Variants in SUCLG2 observed in about 807,000 individuals in gnomAD.
SUCLG2 encodes the protein succinate--CoA ligase [GDP-forming] subunit beta, mitochondrial.
Under a neutral mutation model 47.9 loss-of-function variants are expected in SUCLG2, and 42 were observed. That is an observed-to-expected ratio of 0.88 (90% CI 0.69 to 1.14). The LOEUF is 1.14. Among genes scored for constraint, SUCLG2 ranks in the 50% most tolerant of loss-of-function variants. The pLI is 0.00. For synonymous variants in SUCLG2, 195 were observed against 197.3 expected (o/e 0.99, Z 0.10); for missense variants, 571 against 525.9 (o/e 1.09, Z -0.84).
At chr3:67,371,442 T>C (rs151251424), downstream of SUCLG2, among the ~76,000 whole-genome samples, 556 of 152,338 alleles carry the variant, frequency 3.6e-3, 5 homozygotes, top group African/African-American at 0.013. Context: ...CCTTTATCTC[T>C]TCTGCCCCTC....
chr3:67,649,968 C>A (rs1472929530), intron 1 of SUCLG2, among the ~76,000 whole-genome samples: 4 of 152,176 alleles, frequency 2.6e-5, no homozygotes, highest in African/African-American at 9.7e-5. Flanking sequence ...TGGGTCTGTG[C>A]ACTCAATCAC....
chr3:67,622,539 C>A (rs17046748), intron 1 of SUCLG2, among the ~76,000 whole-genome samples: 4,629 of 152,172 alleles, frequency 0.03, 232 homozygotes, highest in African/African-American at 0.11. Flanking sequence ...ACATTGGACC[C>A]ACAGATGACT....
At chr3:67,426,534 A>G (rs1703304733) in intron 9 of SUCLG2, among the ~76,000 whole-genome samples, 1 of 152,226 alleles carries the variant, frequency 6.6e-6, no homozygotes, top group Non-Finnish European at 1.5e-5. Flanking sequence ...TGTAAAGAAC[A>G]TACTTACCAT....
At chr3:67,473,285 T>C (rs1704650677) in intron 9 of SUCLG2, among the ~76,000 whole-genome samples, 1 of 152,172 alleles carries the variant, frequency 6.6e-6, no homozygotes, top group African/African-American at 2.4e-5. Flanking sequence ...ACTAAGGTGT[T>C]TCTCCCACCT....
intron 10 of SUCLG2, among the ~76,000 whole-genome samples, chr3:67,398,886 C>A (rs1476992375): frequency 6.6e-6 from 1 of 151,870 alleles, no homozygotes. Flanking sequence ...ATGGATGAAA[C>A]TGGAAATCGT....
intron 10 of SUCLG2, among the ~76,000 whole-genome samples, chr3:67,393,553 G>T (rs1262095717): frequency 1.3e-5 from 2 of 152,232 alleles, no homozygotes; most frequent in Non-Finnish European, 2.9e-5. Context: ...CACAGCTCAA[G>T]GAGGCCTGCC....
chr3:67,593,118 TA>T (rs1239607424), intron 2 of SUCLG2, among the ~76,000 whole-genome samples: 2 of 152,242 alleles, frequency 1.3e-5, no homozygotes, highest in African/African-American at 4.8e-5. Context: ...TCGATTTCTT[TA>T]ACATGGTTTT....
intron 2 of SUCLG2, among the ~76,000 whole-genome samples, chr3:67,547,952 G>A (rs1245885277): frequency 2.0e-5 from 3 of 152,144 alleles, no homozygotes; most frequent in African/African-American, 7.2e-5. Flanking sequence ...ACAGCATGAT[G>A]CAAAACAAAA....
At chr3:67,630,976 T>C (rs531488588) in intron 1 of SUCLG2, among the ~76,000 whole-genome samples, 2 of 152,262 alleles carry the variant, frequency 1.3e-5, no homozygotes, top group African/African-American at 4.8e-5. Flanking sequence ...CCCCGATCCT[T>C]TAAGAAAAAG....
intron 9 of SUCLG2, among the ~76,000 whole-genome samples, chr3:67,482,589 G>C (rs752414791): frequency 2.0e-5 from 3 of 152,148 alleles, no homozygotes; most frequent in Non-Finnish European, 2.9e-5. Context: ...CAGCTTAATG[G>C]AGAAGAAGGC....
intron 9 of SUCLG2, among the ~76,000 whole-genome samples, chr3:67,476,614 C>T (rs1484180399): frequency 6.6e-6 from 1 of 152,150 alleles, no homozygotes; most frequent in African/African-American, 2.4e-5. Flanking sequence ...ACCTCTTCCC[C>T]CGCAACCCTG....
intron 9 of SUCLG2, among the ~76,000 whole-genome samples, chr3:67,459,238 G>A (rs547746185): frequency 6.6e-6 from 1 of 152,276 alleles, no homozygotes; most frequent in Non-Finnish European, 1.5e-5. Context: ...GCACATTTAA[G>A]TAGAGGGAAA....
intron 5 of SUCLG2, among the ~76,000 whole-genome samples, chr3:67,519,069 A>C (rs1706027547): frequency 6.6e-6 from 1 of 152,146 alleles, no homozygotes; most frequent in Non-Finnish European, 1.5e-5. Context: ...TTGAGAAAAA[A>C]AAAAATCAAT....
At position 67,553,301 on chromosome 3, in the gene SUCLG2, T is replaced by C. The variant is rs1575773586; in HGVS notation, c.227-24115A>G. Among the ~76,000 whole-genome samples, 3 of 152,330 alleles carry C rather than the reference T, an allele frequency of 2.0e-5. No homozygotes were observed. The Middle Eastern group carries it at 0.01, about 518-fold the overall frequency. ...CCACTGCAGCAGGGAATTGTTCCCTTTGTCCATGGTGGCTTTGCCACAAAG... is the reference window on the plus strand; with the variant it reads ...CCACTGCAGCAGGGAATTGTTCCCTCTGTCCATGGTGGCTTTGCCACAAAG... On this transcript the variant is annotated intron_variant, in intron 2 of 10. Coordinates refer to ENST00000307227, the MANE Select transcript of SUCLG2 (RefSeq NM_003848.4).
In SUCLG2 at chr3:67,375,459, C is replaced by T; in HGVS notation, c.*285G>A. On this transcript the variant is annotated 3_prime_UTR_variant, in exon 11 of 11. Coordinates refer to ENST00000307227, the MANE Select transcript of SUCLG2 (RefSeq NM_003848.4). ...TTCTGTCTATACACACAATATTTGG[C>T]CACATAGACCACTCCCCAAAGTCTG... 9.3e-7 allele frequency: 1 copy of T among 1,078,270 alleles called. No homozygotes were observed. The highest frequency in any genetic ancestry group is 1.1e-6 in the Non-Finnish European group (1 of 889,972). 66.8% of individuals were successfully genotyped at this position (1,078,270 alleles called of 1,614,324 possible). A position where few individuals can be genotyped will look rare whatever the true frequency, so the allele number is the denominator to read the frequency against.
At chr3:67,431,033 G>A (rs1334978674) in intron 9 of SUCLG2, among the ~76,000 whole-genome samples, 1 of 152,130 alleles carries the variant, frequency 6.6e-6, no homozygotes, top group Non-Finnish European at 1.5e-5. Context: ...ACAAAAAGGA[G>A]CTGGTACCAT....
intron 2 of SUCLG2, among the ~76,000 whole-genome samples, chr3:67,538,003 T>A (rs545680114): frequency 2.6e-5 from 4 of 152,312 alleles, no homozygotes; most frequent in African/African-American, 9.6e-5. Context: ...CAAAAAATGT[T>A]CTCCCACTCT....
intron 9 of SUCLG2, among the ~76,000 whole-genome samples, chr3:67,434,343 C>A (rs1441670099): frequency 6.6e-6 from 1 of 152,218 alleles, no homozygotes; most frequent in South Asian, 2.1e-4. Context: ...CTGGGAAACA[C>A]AGCAAGAACC....
intron 9 of SUCLG2, among the ~76,000 whole-genome samples, chr3:67,489,218 G>A (rs1705142082): frequency 6.6e-6 from 1 of 152,038 alleles, no homozygotes; most frequent in Admixed American, 6.6e-5. Flanking sequence ...GGGCAAGGAG[G>A]GCCAGATATT....
Sources: gnomAD v4.1 joint callset for allele counts (sites outside exome capture counted in the v4.1 genomes callset) on GRCh38, gnomAD v4.1.1 for gene constraint, MANE v1.5 for transcripts, NCBI Gene and HGNC (gene_info 2026-07-23, HGNC 2026-07-21) for gene names.